The following ELAPOR1 variants were observed in gnomAD, a reference collection of about 807,000 sequenced individuals.
ELAPOR1 encodes the protein endosome-lysosome associated apoptosis and autophagy regulator 1, also known as endosome/lysosome-associated apoptosis and autophagy regulator 1.
A neutral mutation model predicts 119.7 loss-of-function variants in ELAPOR1; 77 were observed. That is an observed-to-expected ratio of 0.64 (90% CI 0.54 to 0.78). ELAPOR1 has a LOEUF of 0.78. ELAPOR1 is among the 30% of genes least tolerant of loss of function. The pLI is 0.00. For synonymous variants in ELAPOR1, 481 were observed against 487.2 expected, an observed-to-expected ratio of 0.99 and a Z score of 0.17; for missense variants, 1,115 against 1,270.4, an observed-to-expected ratio of 0.88 and a Z score of 1.86.
intron 1 of ELAPOR1, among the ~76,000 whole-genome samples, chr1:109,142,876 A>G (rs1202108344): frequency 3.9e-5 from 6 of 152,248 alleles, no homozygotes; most frequent in African/African-American, 1.4e-4. Context: ...TATTCATAAT[A>G]GCCGAAAAAG....
At chr1:109,117,067 G>A (rs1423711056) in intron 1 of ELAPOR1, among the ~76,000 whole-genome samples, 2 of 152,114 alleles carry the variant, frequency 1.3e-5, no homozygotes, top group African/African-American at 4.8e-5. Flanking sequence ...CTCTTATCAG[G>A]CCAAGGCTGA....
chr1:109,185,470 C>G (rs1290692038), intron 8 of ELAPOR1, among the ~76,000 whole-genome samples: 1 of 152,198 alleles, frequency 6.6e-6, no homozygotes, highest in Non-Finnish European at 1.5e-5. Flanking sequence ...CCTCCCGGGG[C>G]TCTTCAGGCT....
intron 3 of ELAPOR1, among the ~76,000 whole-genome samples, chr1:109,170,799 A>T (rs1447774890): frequency 6.6e-6 from 1 of 152,146 alleles, no homozygotes; most frequent in Non-Finnish European, 1.5e-5. Flanking sequence ...CTTCAGGGAG[A>T]CAAGTTTGGG....
intron 13 of ELAPOR1, 87 bp from the exon 14 acceptor site, chr1:109,192,524 A>G: frequency 7.2e-7 from 1 of 1,380,070 alleles, no homozygotes; most frequent in Admixed American, 2.0e-5. Context: ...AGGATAGAAG[A>G]TTAAGTACCT....
chr1:109,177,418 G>C (rs1351238568), intron 7 of ELAPOR1, among the ~76,000 whole-genome samples: 1 of 133,984 alleles, frequency 7.5e-6, no homozygotes, highest in East Asian at 2.2e-4. Flanking sequence ...CATCCTGGAC[G>C]GGGCGGCAGG....
chr1:109,152,573 T>C (rs1409179057), intron 1 of ELAPOR1, among the ~76,000 whole-genome samples: 2 of 152,188 alleles, frequency 1.3e-5, no homozygotes, highest in African/African-American at 4.8e-5. Flanking sequence ...GTTAATGTTT[T>C]ACTCAAATAT....
chr1:109,182,333 AAAT>A (rs59332839), intron 7 of ELAPOR1, among the ~76,000 whole-genome samples: 21,059 of 149,604 alleles, frequency 0.14, 1,645 homozygotes, highest in Middle Eastern at 0.24. Flanking sequence ...CTGTCTCAAA[AAAT>A]AATAATAATA....
chr1:109,179,900 C>A (rs553688105), intron 7 of ELAPOR1, among the ~76,000 whole-genome samples: 19 of 152,032 alleles, frequency 1.2e-4, no homozygotes, highest in Admixed American at 3.3e-4. Flanking sequence ...GAGGGAAACT[C>A]CATCTCAAAA....
Position 109,173,731 on chromosome 1 carries a change from G to A in ELAPOR1, c.846G>A (p.Thr282=), listed in dbSNP as rs146748017. ...AATGCTTCCCCTGCAAACCTGGCAC[G>A]TATGCAGACAAGCAGGGCTCCTCTT... The part of the protein sequence containing the change: ...TSECFPCKPG[T]YADKQGSSFC... The change falls in exon 7 of 22, where the codon ACG becomes ACA. Residue 282 remains threonine, a synonymous_variant. Coordinates refer to ENST00000369939, the MANE Select transcript of ELAPOR1 (RefSeq NM_020775.5). The A allele has an allele frequency of 3.4e-5, 55 of 1,614,020 alleles. No homozygotes were observed. The highest frequency in any genetic ancestry group is 4.0e-5 in the Non-Finnish European group (47 of 1,180,042).
rs759210753 is a variant in ELAPOR1 at position 109,198,554 on chromosome 1, GGGCT to G, written c.2400-14_2400-11del. On this transcript the variant is annotated splice_polypyrimidine_tract_variant and intron_variant, in intron 17 of 21. Coordinates refer to ENST00000369939, the MANE Select transcript of ELAPOR1 (RefSeq NM_020775.5). ...AGCTGAGTGACTCATTCCCTCATGG[GGGCT>G]GGCTTTCTCTGCAGGTCCAATGATG... 97 of 1,605,854 alleles carry G rather than the reference GGGCT, an allele frequency of 6.0e-5. No individual in the cohort carries two copies. The highest frequency in any genetic ancestry group is 8.0e-5 in the African/African-American group (6 of 74,782).
Position 109,162,014 on chromosome 1 carries a change from T to C in ELAPOR1, c.274T>C (p.Ser92Pro). The C allele has an allele frequency of 1.2e-6, 2 of 1,610,366 alleles. No homozygotes were observed. The highest frequency in any genetic ancestry group is 2.2e-5 in the East Asian group (1 of 44,754). ...TGACCCCATCAAGGGCACCGAGTGC[T>C]GTAAGCAGCTATCCTGCTCAGGGCC... ...LPDPIKGTEC[S>P]FSCNAGEFLD... Residue 92 changes from serine to proline, a missense_variant and splice_region_variant, in exon 2 of 22, where the codon TCC becomes CCC. Ser to Pro is a moderately conservative substitution (Grantham distance 74). Transcript: ENST00000369939.
intron 1 of ELAPOR1, among the ~76,000 whole-genome samples, chr1:109,154,904 T>C (rs1453079069): frequency 6.6e-6 from 1 of 152,204 alleles, no homozygotes; most frequent in Non-Finnish European, 1.5e-5. Context: ...AGAGATGTGT[T>C]ACTGTCTTTG....
intron 16 of ELAPOR1, 120 bp downstream of exon 16, chr1:109,197,774 C>A: frequency 8.7e-7 from 1 of 1,145,316 alleles, no homozygotes; most frequent in Non-Finnish European, 1.2e-6. Flanking sequence ...ATGAGGGGCC[C>A]AACCTCTTGA....
At chr1:109,161,753 C>T in intron 1 of ELAPOR1, 141 bp from the exon 2 acceptor site, 1 of 929,484 alleles carries the variant, frequency 1.1e-6, no homozygotes, top group Non-Finnish European at 1.7e-6. Context: ...GGTTCATAAT[C>T]ATCAGCTCCC....
chr1:109,172,967 C>T (rs1443578553), intron 5 of ELAPOR1, among the ~76,000 whole-genome samples: 1 of 151,962 alleles, frequency 6.6e-6, no homozygotes, highest in Non-Finnish European at 1.5e-5. Context: ...TATGGTGGCC[C>T]ATGCTTGTAA....
intron 1 of ELAPOR1, among the ~76,000 whole-genome samples, chr1:109,144,062 T>TATATATATATATC (rs1296463049): frequency 2.7e-5 from 1 of 36,576 alleles, no homozygotes; most frequent in African/African-American, 7.7e-5. Context: ...TATTTATATA[T>TATATATATATATC]TTTTTTTTTT....
Position 109,197,646 on chromosome 1 carries a change from G to T in ELAPOR1, c.2294G>T (p.Arg765Leu), listed in dbSNP as rs373490256. 6.2e-7 allele frequency: 1 copy of T among 1,613,512 alleles called. No homozygotes were observed. Among genetic ancestry groups the T allele is most frequent in the African/African-American group, 1.3e-5 (1 of 74,886 alleles). ...TCACAGCCTGTCAGCCTTGCTGATC[G>T]ACTTATTGGTGAGTAACTCCGCTGC... ...VSSQPVSLAD[R>L]LIGVTTDMTL... Residue 765 changes from arginine to leucine, a missense_variant, in exon 16 of 22, where the codon CGA becomes CTA. Arg to Leu is a moderately radical substitution (Grantham distance 102, BLOSUM62 -2). Coordinates refer to ENST00000369939, the MANE Select transcript of ELAPOR1 (RefSeq NM_020775.5).
intron 1 of ELAPOR1, among the ~76,000 whole-genome samples, chr1:109,154,665 A>T (rs1006928291): frequency 6.6e-6 from 1 of 152,224 alleles, no homozygotes; most frequent in Non-Finnish European, 1.5e-5. Context: ...GTGCCCTGGC[A>T]GGAAGAAGAA....
chr1:109,201,092 G>A (rs1487207530), intron 21 of ELAPOR1, among the ~76,000 whole-genome samples, 192 bp downstream of exon 21: 9 of 152,148 alleles, frequency 5.9e-5, no homozygotes, highest in Non-Finnish European at 1.5e-5. Flanking sequence ...TTTCCCCCGG[G>A]GCCCAAGGCT....
Sources: gnomAD v4.1 joint callset for allele counts (sites outside exome capture counted in the v4.1 genomes callset) on GRCh38, gnomAD v4.1.1 for gene constraint, MANE v1.5 for transcripts, NCBI Gene and HGNC (gene_info 2026-07-23, HGNC 2026-07-21) for gene names.